The following HOMER2 variants were observed in gnomAD, a reference collection of about 807,000 sequenced individuals.
The protein encoded by HOMER2 is homer scaffold protein 2, also known as homer protein homolog 2.
In HOMER2, 27 loss-of-function variants were observed where a neutral mutation model predicts 47.0. The observed-to-expected ratio is 0.57, with a 90% CI of 0.42 to 0.79. HOMER2 has a LOEUF of 0.79. Ranked by LOEUF, HOMER2 falls within the 30% of genes least tolerant of loss-of-function variation. The pLI is 0.00. For missense variants in HOMER2, 443 were observed against 435.0 expected (o/e 1.02, Z -0.16); for synonymous variants, 161 against 163.8 (o/e 0.98, Z 0.13).
chr15:82,869,802 C>G (rs114594333), intron 3 of HOMER2, among the ~76,000 whole-genome samples: 2,381 of 152,280 alleles, frequency 0.016, 64 homozygotes, highest in African/African-American at 0.054. Flanking sequence ...GAAGGATACA[C>G]TGCAGTTTAA....
rs2151210211 is a variant in HOMER2, at chr15:82,937,598, A to G, written c.5+14933T>C. On this transcript the variant is annotated intron_variant, in intron 1 of 8. Transcript: ENST00000450735. ...AGAGGTTAATAAACTTACAGATCTC[A>G]TTACTCAAAGAGGTCATGCTGGTGA... is the stretch of plus-strand genomic sequence containing the variant. Among the ~76,000 whole-genome samples, 3 of 152,310 alleles carry G rather than the reference A, an allele frequency of 2.0e-5. No individual in the cohort carries two copies. The South Asian group carries it at 6.2e-4, about 32-fold the overall frequency.
chr15:82,867,307 A>G (rs1162283260), intron 3 of HOMER2, among the ~76,000 whole-genome samples: 1 of 152,024 alleles, frequency 6.6e-6, no homozygotes, highest in Non-Finnish European at 1.5e-5. Context: ...GAAATTTCTT[A>G]AAACCCACAA....
At chr15:82,876,848 T>G (rs2052364388) in intron 2 of HOMER2, among the ~76,000 whole-genome samples, 1 of 152,224 alleles carries the variant, frequency 6.6e-6, no homozygotes, top group East Asian at 1.9e-4. Context: ...ACCTTCCAGA[T>G]ACAAACCGTT....
intron 7 of HOMER2, 70 bp downstream of exon 7, chr15:82,852,072 C>T (rs1311000587): frequency 9.7e-7 from 1 of 1,026,130 alleles, no homozygotes; most frequent in Non-Finnish European, 1.5e-6. Flanking sequence ...GGCCCCAAGA[C>T]ACCTGCTGTG....
At chr15:82,860,049 A>G (rs2051725674) in intron 4 of HOMER2, among the ~76,000 whole-genome samples, 1 of 151,986 alleles carries the variant, frequency 6.6e-6, no homozygotes, top group Non-Finnish European at 1.5e-5. Context: ...GGAGTTTGAC[A>G]CCAGCCTGGC....
At chr15:82,907,866 G>A (rs1270909061) in intron 1 of HOMER2, among the ~76,000 whole-genome samples, 1 of 152,196 alleles carries the variant, frequency 6.6e-6, no homozygotes, top group Non-Finnish European at 1.5e-5. Flanking sequence ...ATCAACAGAT[G>A]AATGGATAAC....
At chr15:82,973,356 A>C (rs2030077779) in intron 1 of HOMER2, among the ~76,000 whole-genome samples, 1 of 152,162 alleles carries the variant, frequency 6.6e-6, no homozygotes, top group African/African-American at 2.4e-5. Context: ...CTGCTTGCTT[A>C]TCATAACTGC....
Position 82,856,038 on chromosome 15 carries a change from T to C in HOMER2, c.495-1238A>G, listed in dbSNP as rs141059373. On this transcript the variant is annotated intron_variant, in intron 5 of 8. Transcript: ENST00000450735. Reference sequence around the variant, plus strand: ...TTTTAAGTAAATACAATGGTGTGTCTGAATAGATCTGTGTTATCTTTTATC... The same window carrying C: ...TTTTAAGTAAATACAATGGTGTGTCCGAATAGATCTGTGTTATCTTTTATC... 2.6e-5 allele frequency among the ~76,000 whole-genome samples: 4 copies of C among 152,302 alleles called. No homozygotes were observed. In the East Asian group the frequency reaches 7.7e-4, roughly 29 times the overall value.
Position 82,913,027 on chromosome 15 carries a change from A to C in HOMER2, c.6-20186T>G, listed in dbSNP as rs1195893508. 6.6e-6 allele frequency among the ~76,000 whole-genome samples: 1 copy of C among 152,242 alleles called. No homozygotes were observed. The highest frequency in any genetic ancestry group is 1.5e-5 in the Non-Finnish European group (1 of 68,038). The stretch of plus-strand genomic sequence containing the variant: ...ATGCTCTTAGAAATACTGAAAACAC[A>C]GAAAACTGGGGTGTAGAGAGACAAG... On this transcript the variant is annotated intron_variant, in intron 1 of 8. Coordinates refer to ENST00000450735, the MANE Select transcript of HOMER2 (RefSeq NM_004839.4). The surrounding 1 kb of genome is among the most constrained non-coding windows in gnomAD (Gnocchi z 4.1).
At chr15:82,984,740 C>T (rs1382262676) in intron 1 of HOMER2, among the ~76,000 whole-genome samples, 1 of 152,126 alleles carries the variant, frequency 6.6e-6, no homozygotes, top group Non-Finnish European at 1.5e-5. Flanking sequence ...CGCCTGAGCC[C>T]AGGAAGTCGA....
chr15:82,933,020 C>T (rs2054054196), intron 1 of HOMER2, among the ~76,000 whole-genome samples: 1 of 152,098 alleles, frequency 6.6e-6, no homozygotes, highest in Non-Finnish European at 1.5e-5. Flanking sequence ...CCTCCCCGTG[C>T]CCTCACTGTC....
At chr15:82,962,742 T>C (rs2054642539) in intron 1 of HOMER2, among the ~76,000 whole-genome samples, 1 of 152,108 alleles carries the variant, frequency 6.6e-6, no homozygotes, top group South Asian at 2.1e-4. Context: ...CTGAACATAG[T>C]ATATGCCTCA....
chr15:82,936,851 C>A, intron 1 of HOMER2, among the ~76,000 whole-genome samples: 1 of 152,016 alleles, frequency 6.6e-6, no homozygotes, highest in East Asian at 1.9e-4. Context: ...CCATGCCTGG[C>A]CAGCTCTCCT....
intron 1 of HOMER2, among the ~76,000 whole-genome samples, chr15:82,918,686 A>G (rs902976993): frequency 3.3e-5 from 5 of 151,872 alleles, no homozygotes; most frequent in Non-Finnish European, 7.4e-5. Flanking sequence ...CTGCACCCCT[A>G]TTTCAGTGAC....
At chr15:82,986,096 C>A (rs1438719305), upstream of HOMER2, 2 of 985,416 alleles carry the variant, frequency 2.0e-6, no homozygotes, top group Admixed American at 1.2e-4. Context: ...GAGCTCTGGG[C>A]GTTGTGCCAG....
At chr15:82,963,385 G>A (rs763322525) in intron 1 of HOMER2, among the ~76,000 whole-genome samples, 17 of 152,034 alleles carry the variant, frequency 1.1e-4, no homozygotes, top group Admixed American at 3.3e-4. Flanking sequence ...CCACCGCACT[G>A]GGTCTGCCAT....
chr15:82,934,810 C>T (rs941327996), intron 1 of HOMER2, among the ~76,000 whole-genome samples: 1 of 152,190 alleles, frequency 6.6e-6, no homozygotes, highest in South Asian at 2.1e-4. Flanking sequence ...CTGCAGTGGC[C>T]GACAGGCCTG....
Position 82,952,622 on chromosome 15 carries a change from G to C in HOMER2, c.-87C>G. 1 of 1,055,918 alleles carries C rather than the reference G, an allele frequency of 9.5e-7. No individual in the cohort carries two copies. Among genetic ancestry groups the C allele is most frequent in the Non-Finnish European group, 1.1e-6 (1 of 877,178 alleles). The allele number at this position is 1,055,918 out of a possible 1,614,324, so 65.4% of individuals were successfully genotyped here. On this transcript the variant is annotated 5_prime_UTR_variant, in exon 1 of 9. Transcript: ENST00000450735. Reference sequence around the variant, plus strand: ...GGCAGCCGCTCCCCGCGCGGCACATGCGGCGGCCCGTGCGCGCCCGGCTCA... The same window carrying C: ...GGCAGCCGCTCCCCGCGCGGCACATCCGGCGGCCCGTGCGCGCCCGGCTCA...
chr15:82,978,456 G>A (rs1596390709), intron 1 of HOMER2, among the ~76,000 whole-genome samples: 1 of 152,308 alleles, frequency 6.6e-6, no homozygotes, highest in East Asian at 1.9e-4. Context: ...CTGTTTACCA[G>A]GTAGACCAGA....
Sources: allele counts gnomAD v4.1 joint callset (sites outside exome capture counted in the v4.1 genomes callset), GRCh38; gene constraint gnomAD v4.1.1; non-coding constraint Gnocchi (gnomAD v3.1); transcripts MANE v1.5; gene names NCBI Gene and HGNC (gene_info 2026-07-23, HGNC 2026-07-21).